ADCY5: variants seen among roughly 807,000 people sequenced by gnomAD.
The protein encoded by ADCY5 is adenylate cyclase type 5.
Under a neutral mutation model 119.7 loss-of-function variants are expected in ADCY5, and 30 were observed. The ratio of observed to expected loss-of-function variants is 0.25; its 90% confidence interval spans 0.19 to 0.34. ADCY5 has a LOEUF of 0.34. Ranked by LOEUF, ADCY5 falls within the 10% of genes least tolerant of loss-of-function variation. ADCY5 has a pLI of 1.00. For synonymous variants in ADCY5, 753 were observed against 762.2 expected (o/e 0.99, Z 0.20); for missense variants, 1,324 against 1,775.2 (o/e 0.75, Z 4.57).
chr3:123,348,492 G>C (rs1942681632), intron 2 of ADCY5, among the ~76,000 whole-genome samples: 1 of 152,184 alleles, frequency 6.6e-6, no homozygotes, highest in Non-Finnish European at 1.5e-5. Flanking sequence ...GCACTGAGCA[G>C]GGACACCTGA....
At chr3:123,426,584 G>C (rs1385005528) in intron 1 of ADCY5, among the ~76,000 whole-genome samples, 2 of 152,166 alleles carry the variant, frequency 1.3e-5, no homozygotes, top group African/African-American at 2.4e-5. Context: ...GCCCATCTCA[G>C]CCTCCCAAAG....
At chr3:123,446,135 C>T (rs1313202693) in intron 1 of ADCY5, among the ~76,000 whole-genome samples, 1 of 152,132 alleles carries the variant, frequency 6.6e-6, no homozygotes, top group Admixed American at 6.5e-5. Flanking sequence ...TCACAGAGCA[C>T]CCTGCAGGTT....
intron 11 of ADCY5, among the ~76,000 whole-genome samples, chr3:123,317,398 A>C (rs867533129): frequency 2.0e-5 from 3 of 150,802 alleles, no homozygotes; most frequent in Admixed American, 1.3e-4. Context: ...CTCAATTGTC[A>C]GTGATGGGGT....
Position 123,447,913 on chromosome 3 carries a change from C to T in ADCY5, c.633G>A (p.Ala211=), listed in dbSNP as rs988351018. 8 of 1,608,590 alleles carry T rather than the reference C, an allele frequency of 5.0e-6. No homozygotes were observed. The highest frequency in any genetic ancestry group is 4.4e-5 in the South Asian group (4 of 90,670). ...AVLSLGACCL[A]LLQIFRSKKF... is the part of the protein sequence containing the mutation. Reference sequence around the variant, plus strand: ...TCTTGGAGCGGAATATCTGCAGCAACGCCAGGCAGCAGGCGCCCAGGGACA... The same window carrying T: ...TCTTGGAGCGGAATATCTGCAGCAATGCCAGGCAGCAGGCGCCCAGGGACA... Residue 211 remains alanine, a synonymous_variant, in exon 1 of 21, where the codon GCG becomes GCA. Transcript: ENST00000462833.
intron 1 of ADCY5, among the ~76,000 whole-genome samples, chr3:123,396,401 G>C (rs1944565883): frequency 8.6e-6 from 1 of 115,824 alleles, no homozygotes; most frequent in Non-Finnish European, 1.7e-5. Flanking sequence ...GAGAGAAAAA[G>C]AAAGAGAAAG....
intron 8 of ADCY5, among the ~76,000 whole-genome samples, chr3:123,325,083 G>A (rs542360237): frequency 1.3e-5 from 2 of 152,360 alleles, no homozygotes; most frequent in South Asian, 4.1e-4. Context: ...GGGAGGAAGG[G>A]GTGCTGCCAG....
rs559685909 is a variant in ADCY5 at position 123,396,986 on chromosome 3, G to A, written c.1135-44405C>T. On this transcript the variant is annotated intron_variant, in intron 1 of 20. Transcript: ENST00000462833. ...AAACTTCTGTACAATGTGAGCTCCC[G>A]GAACTGGGAAAGGAAGAAAGGTCCC... Among the ~76,000 whole-genome samples, 79 of 152,218 alleles carry A rather than the reference G, an allele frequency of 5.2e-4. 1 individual carries two copies. The South Asian group carries it at 0.016, about 30-fold the overall frequency.
chr3:123,432,515 C>T (rs2107647288), intron 1 of ADCY5, among the ~76,000 whole-genome samples: 1 of 152,176 alleles, frequency 6.6e-6, no homozygotes, highest in East Asian at 1.9e-4. Flanking sequence ...CCAGTGTTTC[C>T]TATTTTTTTA....
At chr3:123,422,943 C>T (rs182028854) in intron 1 of ADCY5, among the ~76,000 whole-genome samples, 13 of 152,336 alleles carry the variant, frequency 8.5e-5, no homozygotes, top group Admixed American at 5.2e-4. Context: ...AGAATCTGGA[C>T]ACGTGGTACA....
In ADCY5 at chr3:123,360,777, G is replaced by A. The variant is rs186988048; in HGVS notation, c.1135-8196C>T. ...AAGGAAAAACAAAATAGACTAGAAT[G>A]TGAAGAAAGACAAATATCTAGGAAT... is the stretch of plus-strand genomic sequence containing the variant. On this transcript the variant is annotated intron_variant, in intron 1 of 20. Transcript: ENST00000462833. Among the ~76,000 whole-genome samples, 308 of 152,322 alleles carry A rather than the reference G, an allele frequency of 2.0e-3. 1 individual carries two copies. Among genetic ancestry groups the A allele is most frequent in the African/African-American group, 7.2e-3 (300 of 41,580 alleles).
intron 1 of ADCY5, among the ~76,000 whole-genome samples, chr3:123,355,213 A>G (rs1236612209): frequency 6.6e-6 from 1 of 152,246 alleles, no homozygotes; most frequent in Non-Finnish European, 1.5e-5. Context: ...GAACCTCAAA[A>G]AATTTTAAAA....
chr3:123,284,026 C>CTGTT lies in ADCY5; in HGVS notation c.*578_*581dup, dbSNP rs1266730563. ...TCTTGCCTCCCCCTCGTAATTAGTT[C>CTGTT]TGTTTCCCTCCTAGGGCACTGTCTG... On this transcript the variant is annotated 3_prime_UTR_variant, in exon 21 of 21. Coordinates refer to ENST00000462833, the MANE Select transcript of ADCY5 (RefSeq NM_183357.3). 1.3e-5 allele frequency: 2 copies of CTGTT among 152,280 alleles called. No individual in the cohort carries two copies. Among genetic ancestry groups the CTGTT allele is most frequent in the Non-Finnish European group, 2.9e-5 (2 of 68,124 alleles). The allele number at this position is 152,280 out of a possible 1,614,324, so 9.4% of individuals were successfully genotyped here. A position where few individuals can be genotyped will look rare whatever the true frequency, so the allele number is the denominator to read the frequency against.
At chr3:123,423,974 G>A (rs1414086194) in intron 1 of ADCY5, among the ~76,000 whole-genome samples, 1 of 152,224 alleles carries the variant, frequency 6.6e-6, no homozygotes, top group East Asian at 1.9e-4. Flanking sequence ...AGAAGGTCTC[G>A]CTTTTCATTC....
intron 17 of ADCY5, among the ~76,000 whole-genome samples, chr3:123,293,407 G>A (rs537184941): frequency 9.2e-5 from 14 of 152,294 alleles, no homozygotes; most frequent in African/African-American, 3.4e-4. Context: ...ATGTGATGAT[G>A]GCTCCCTCTC....
At position 123,291,044 on chromosome 3, in the gene ADCY5, A is replaced by G. The variant is rs1460698649; in HGVS notation, c.3327+69T>C. The G allele has an allele frequency of 1.8e-5, 27 of 1,535,820 alleles. No homozygotes were observed. The Middle Eastern group carries it at 8.6e-4, about 49-fold the overall frequency. On this transcript the variant is annotated intron_variant, in intron 18 of 20. Coordinates refer to ENST00000462833, the MANE Select transcript of ADCY5 (RefSeq NM_183357.3). ...AGAAGGGGGCGCCAGGTCTCTTCAC[A>G]TCCCTCCCATACCAGGGACTTGTAG...
intron 1 of ADCY5, chr3:123,419,128 G>A (rs1375103653): frequency 1.0e-6 from 1 of 984,558 alleles, no homozygotes; most frequent in African/African-American, 1.8e-5. Context: ...TGTTTCTCCA[G>A]GGAACGCTGA....
At chr3:123,446,249 G>A (rs949118020) in intron 1 of ADCY5, among the ~76,000 whole-genome samples, 1 of 152,202 alleles carries the variant, frequency 6.6e-6, no homozygotes, top group Non-Finnish European at 1.5e-5. Flanking sequence ...CAAGAAAGAT[G>A]CGGTACTCAA....
intron 1 of ADCY5, among the ~76,000 whole-genome samples, chr3:123,389,286 A>G (rs944236338): frequency 1.3e-5 from 2 of 152,156 alleles, no homozygotes; most frequent in Non-Finnish European, 2.9e-5. Flanking sequence ...TCTGGAGAAG[A>G]GGATATGACT....
At chr3:123,362,318 C>T (rs1298399223) in intron 1 of ADCY5, among the ~76,000 whole-genome samples, 1 of 152,136 alleles carries the variant, frequency 6.6e-6, no homozygotes, top group Non-Finnish European at 1.5e-5. Context: ...CCTGCCAACA[C>T]TTATTTTGTT....
Sources: allele counts gnomAD v4.1 joint callset (sites outside exome capture counted in the v4.1 genomes callset), GRCh38; gene constraint gnomAD v4.1.1; transcripts MANE v1.5; gene names NCBI Gene and HGNC (gene_info 2026-07-23, HGNC 2026-07-21).